KIAA0040: variants seen among roughly 807,000 people sequenced by gnomAD.
KIAA0040 encodes the protein uncharacterized protein KIAA0040.
Under a neutral mutation model 7.2 loss-of-function variants are expected in KIAA0040, and 10 were observed. That is an observed-to-expected ratio of 1.38 (90% CI 0.85 to 2.34). The LOEUF is 2.34. Among genes scored for constraint, KIAA0040 ranks in the 30% most tolerant of loss-of-function variants. KIAA0040 has a pLI of 0.00. For synonymous variants in KIAA0040, 49 were observed against 40.1 expected, an observed-to-expected ratio of 1.22 and a Z score of -0.84; for missense variants, 89 against 108.2, an observed-to-expected ratio of 0.82 and a Z score of 0.79.
intron 2 of KIAA0040, among the ~76,000 whole-genome samples, chr1:175,168,284 T>C (rs1571194004): frequency 6.6e-6 from 1 of 152,318 alleles, no homozygotes; most frequent in South Asian, 2.1e-4. Flanking sequence ...ATTACATTTA[T>C]TACTTAGACC....
Position 175,160,658 on chromosome 1 carries a change from G to C in KIAA0040, c.*56C>G. On this transcript the variant is annotated 3_prime_UTR_variant, in exon 4 of 4. Transcript: ENST00000423313. ...TTTCAGGGGTTCCTGAAATGTCTGT[G>C]TGTGGTCAGAAGGAGGCTTAGCCCC... 6.9e-7 allele frequency: 1 copy of C among 1,446,190 alleles called. No individual in the cohort carries two copies. Among genetic ancestry groups the C allele is most frequent in the African/African-American group, 1.4e-5 (1 of 69,812 alleles). The allele number at this position is 1,446,190 out of a possible 1,614,324, so 89.6% of individuals were successfully genotyped here. A position where few individuals can be genotyped will look rare whatever the true frequency, so the allele number is the denominator to read the frequency against.
intron 1 of KIAA0040, among the ~76,000 whole-genome samples, chr1:175,183,801 C>T (rs964171751): frequency 6.6e-6 from 1 of 152,096 alleles, no homozygotes; most frequent in Non-Finnish European, 1.5e-5. Context: ...ATGAGAGGGG[C>T]GGGGCTTGCA....
intron 2 of KIAA0040, among the ~76,000 whole-genome samples, chr1:175,174,150 G>A (rs926743755): frequency 2.0e-5 from 3 of 152,032 alleles, no homozygotes; most frequent in Non-Finnish European, 4.4e-5. Flanking sequence ...AGGAACTATG[G>A]TACATGTTCT....
chr1:175,167,725 A>C (rs1278053906), intron 2 of KIAA0040, among the ~76,000 whole-genome samples: 2 of 152,238 alleles, frequency 1.3e-5, no homozygotes, highest in Admixed American at 1.3e-4. Context: ...GGTGGTCGGA[A>C]AGGGCGGGAT....
chr1:175,174,990 T>G (rs1677128777), intron 2 of KIAA0040, among the ~76,000 whole-genome samples: 1 of 152,132 alleles, frequency 6.6e-6, no homozygotes. Context: ...TTAGGTGAAG[T>G]TTTGTTTTTG....
intron 1 of KIAA0040, among the ~76,000 whole-genome samples, chr1:175,178,970 C>CG (rs5778839): frequency 0.01 from 1,265 of 125,796 alleles, 30 homozygotes; most frequent in African/African-American, 0.036. Flanking sequence ...GGGGACGGGG[C>CG]GGGGGGGGGG....
intron 2 of KIAA0040, among the ~76,000 whole-genome samples, chr1:175,167,617 AAC>A (rs1676817308): frequency 6.6e-6 from 1 of 152,174 alleles, no homozygotes; most frequent in South Asian, 2.1e-4. Context: ...TTTCATAAAG[AAC>A]ACTCTCTCTG....
intron 1 of KIAA0040, among the ~76,000 whole-genome samples, chr1:175,182,719 G>A (rs1677487007): frequency 1.3e-5 from 2 of 152,196 alleles, no homozygotes; most frequent in Admixed American, 1.3e-4. Context: ...TTCCCTCTCT[G>A]TGCCTTAGTT....
At chr1:175,192,335 A>T (rs926040884) in intron 1 of KIAA0040, among the ~76,000 whole-genome samples, 2 of 152,118 alleles carry the variant, frequency 1.3e-5, no homozygotes, top group African/African-American at 4.8e-5. Flanking sequence ...CAGAATTTCC[A>T]TGTGTCCCCT....
At chr1:175,166,331 T>C (rs1310762411) in intron 3 of KIAA0040, among the ~76,000 whole-genome samples, 1 of 152,192 alleles carries the variant, frequency 6.6e-6, no homozygotes, top group African/African-American at 2.4e-5. Flanking sequence ...TTTAAGGAGT[T>C]AAAAATACAG....
intron 1 of KIAA0040, among the ~76,000 whole-genome samples, chr1:175,180,976 C>T (rs1032566384): frequency 6.6e-6 from 1 of 152,178 alleles, no homozygotes; most frequent in African/African-American, 2.4e-5. Context: ...TCCCAAATAG[C>T]TGGGACTACA....
chr1:175,172,449 C>T (rs1677028018), intron 2 of KIAA0040, among the ~76,000 whole-genome samples: 1 of 152,292 alleles, frequency 6.6e-6, no homozygotes, highest in South Asian at 2.1e-4. Flanking sequence ...TGTGGTAGCA[C>T]ATGCCTGTAG....
At chr1:175,176,280 A>C (rs991216512) in intron 2 of KIAA0040, 4 of 152,246 alleles carry the variant, frequency 2.6e-5, no homozygotes, top group Non-Finnish European at 5.9e-5. Flanking sequence ...TTTAATGTTA[A>C]CAAAATTTCG....
intron 3 of KIAA0040, among the ~76,000 whole-genome samples, chr1:175,163,741 C>T (rs1424683227): frequency 6.6e-6 from 1 of 152,236 alleles, no homozygotes; most frequent in African/African-American, 2.4e-5. Flanking sequence ...CTACTCACAG[C>T]TTTCCTGATT....
intron 1 of KIAA0040, among the ~76,000 whole-genome samples, chr1:175,192,062 C>T (rs530404026): frequency 3.3e-5 from 5 of 152,276 alleles, no homozygotes; most frequent in African/African-American, 1.2e-4. Context: ...CCCACTCTAC[C>T]TTCATGGGTG....
chr1:175,178,864 T>C (rs1677315201), intron 1 of KIAA0040, among the ~76,000 whole-genome samples: 1 of 149,514 alleles, frequency 6.7e-6, no homozygotes, highest in South Asian at 2.1e-4. Context: ...TCAAAAATAA[T>C]AGTAATTAAA....
chr1:175,176,704 T>TTTTTTTTTTTTTTC (rs1677212753), intron 2 of KIAA0040, among the ~76,000 whole-genome samples: 2 of 98,376 alleles, frequency 2.0e-5, no homozygotes, highest in Non-Finnish European at 2.2e-5. Flanking sequence ...TTTTTTTGCT[T>TTTTTTTTTTTTTTC]CAGCACCTTC....
At chr1:175,185,396 T>C (rs1455570432) in intron 1 of KIAA0040, among the ~76,000 whole-genome samples, 1 of 152,228 alleles carries the variant, frequency 6.6e-6, no homozygotes, top group Non-Finnish European at 1.5e-5. Context: ...TACTCAGTTA[T>C]ACCAAGAAGG....
chr1:175,161,174 G>A, intron 3 of KIAA0040, 28 bp from the exon 4 acceptor site: 1 of 598,422 alleles, frequency 1.7e-6, no homozygotes. Context: ...GACAACTGAA[G>A]AGAAATGCAG....
Sources: gnomAD v4.1 joint callset for allele counts (sites outside exome capture counted in the v4.1 genomes callset) on GRCh38, gnomAD v4.1.1 for gene constraint, MANE v1.5 for transcripts, NCBI Gene and HGNC (gene_info 2026-07-23, HGNC 2026-07-21) for gene names.